Variants in FANCB observed in about 807,000 individuals in gnomAD.
FANCB encodes the protein FA complementation group B, also known as Fanconi anemia group B protein.
FANCB carries 5 observed loss-of-function variants against 38.9 expected under a neutral mutation model. That is an observed-to-expected ratio of 0.13 (90% CI 0.07 to 0.27). The LOEUF is 0.27. FANCB is among the 10% of genes least tolerant of loss of function. The pLI is 1.00. For synonymous variants in FANCB, 236 were observed against 215.4 expected (o/e 1.10, Z -0.84); for missense variants, 573 against 602.7 (o/e 0.95, Z 0.52).
chrX:14,726,046 A>C, the FANCB span, among the ~76,000 whole-genome samples: 1 of 112,432 alleles, frequency 8.9e-6, no homozygotes, highest in Non-Finnish European at 1.9e-5. Context: ...GCTAATCAGA[A>C]GAAATGGAGA....
At chrX:14,779,756 TG>T in the FANCB span, among the ~76,000 whole-genome samples, 1 of 110,833 alleles carries the variant, frequency 9.0e-6, no homozygotes, top group Non-Finnish European at 1.9e-5. Flanking sequence ...GAGGACTAGA[TG>T]ATAGTGGAAG....
chrX:14,864,106 A>G (rs1019622998), intron 3 of FANCB, among the ~76,000 whole-genome samples: 29 of 111,358 alleles, frequency 2.6e-4, no homozygotes, highest in African/African-American at 9.1e-4. Flanking sequence ...CTGCACTCCA[A>G]CCTGGATGAC....
At chrX:14,826,710 C>A in the FANCB span, among the ~76,000 whole-genome samples, 3 of 112,047 alleles carry the variant, frequency 2.7e-5, no homozygotes, top group Middle Eastern at 9.1e-3. Flanking sequence ...ACAGGAGTCA[C>A]AAATAATGTT....
intron 3 of FANCB, 127 bp from the exon 4 acceptor site, chrX:14,859,461 A>G (rs2092437329): frequency 4.2e-6 from 2 of 471,814 alleles, no homozygotes; most frequent in Non-Finnish European, 7.2e-6. Flanking sequence ...GAGTAATGAA[A>G]ATAGTAAAAA....
At chrX:14,797,709 G>C in the FANCB span, among the ~76,000 whole-genome samples, 1 of 108,185 alleles carries the variant, frequency 9.2e-6, no homozygotes, top group South Asian at 4.1e-4. Flanking sequence ...GAGAGAGAGA[G>C]AGAAAGAAAT....
chrX:14,690,616 C>A, the FANCB span: 2 of 609,556 alleles, frequency 3.3e-6, no homozygotes, highest in Non-Finnish European at 2.7e-6. Flanking sequence ...GCTGCTCACA[C>A]CATTAAGAAT....
the FANCB span, among the ~76,000 whole-genome samples, chrX:14,775,176 T>TTTTTG: frequency 1.0e-5 from 1 of 97,692 alleles, no homozygotes; most frequent in Non-Finnish European, 2.1e-5. Flanking sequence ...TTTTTTTTTT[T>TTTTTG]TTTTTTTTTT....
chrX:14,812,734 G>A, the FANCB span, among the ~76,000 whole-genome samples: 1 of 109,732 alleles, frequency 9.1e-6, no homozygotes, highest in East Asian at 2.8e-4. Flanking sequence ...TCTACCAGAG[G>A]TACAAGGAGG....
the FANCB span, among the ~76,000 whole-genome samples, chrX:14,800,200 A>G: frequency 4.5e-5 from 5 of 112,026 alleles, no homozygotes; most frequent in Admixed American, 9.5e-5. Flanking sequence ...GGAAGGATCT[A>G]TGAAGAACAC....
At chrX:14,840,540 G>C (rs181120519), downstream of FANCB, among the ~76,000 whole-genome samples, 220 of 111,802 alleles carry the variant, frequency 2.0e-3, no homozygotes, top group Middle Eastern at 4.6e-3. Flanking sequence ...GAAGTTCCCT[G>C]GACAAAACGA....
chrX:14,746,657 G>A, the FANCB span, among the ~76,000 whole-genome samples: 1 of 112,082 alleles, frequency 8.9e-6, no homozygotes, highest in Non-Finnish European at 1.9e-5. Flanking sequence ...GTGAAAATTT[G>A]TCAAAAATCA....
At chrX:14,776,515 G>A in the FANCB span, among the ~76,000 whole-genome samples, 2 of 111,941 alleles carry the variant, frequency 1.8e-5, no homozygotes, top group Admixed American at 1.9e-4. Flanking sequence ...ATTTGTAAAT[G>A]GTATTGAATA....
chrX:14,703,370 C>T, the FANCB span, among the ~76,000 whole-genome samples: 6 of 111,423 alleles, frequency 5.4e-5, no homozygotes, highest in African/African-American at 2.0e-4. Flanking sequence ...TGTTCAAAGC[C>T]ATAACATTGC....
chrX:14,788,214 G>A, the FANCB span, among the ~76,000 whole-genome samples: 1 of 109,740 alleles, frequency 9.1e-6, no homozygotes, highest in Non-Finnish European at 1.9e-5. Flanking sequence ...ATTTAATGCA[G>A]AGAATTGAAC....
At chrX:14,778,048 A>G in the FANCB span, among the ~76,000 whole-genome samples, 1 of 112,107 alleles carries the variant, frequency 8.9e-6, no homozygotes, top group Non-Finnish European at 1.9e-5. Flanking sequence ...CAATAATAAG[A>G]AAGAAAATAA....
intron 3 of FANCB, among the ~76,000 whole-genome samples, chrX:14,859,924 C>T (rs1239542444): frequency 9.0e-6 from 1 of 111,027 alleles, no homozygotes; most frequent in Non-Finnish European, 1.9e-5. Context: ...AACCTTAAAC[C>T]CTGATGTGGG....
chrX:14,703,797 G>T, the FANCB span, among the ~76,000 whole-genome samples: 12 of 111,612 alleles, frequency 1.1e-4, no homozygotes, highest in East Asian at 3.1e-3. Context: ...GGTAAGTCAA[G>T]TCTCAGTCTC....
chrX:14,865,623 T>C, intron 2 of FANCB, 43 bp from the exon 3 acceptor site: 1 of 559,284 alleles, frequency 1.8e-6, no homozygotes, highest in East Asian at 3.5e-5. Context: ...GTAGGAAGGG[T>C]TGAAAAGAAA....
chrX:14,834,117 A>G (rs1013409960), downstream of FANCB, among the ~76,000 whole-genome samples: 1 of 112,057 alleles, frequency 8.9e-6, no homozygotes, highest in South Asian at 3.7e-4. Context: ...GGGGCATAAG[A>G]TCAGAAAAAC....
Sources: gnomAD v4.1 joint callset for allele counts (sites outside exome capture counted in the v4.1 genomes callset) on GRCh38, gnomAD v4.1.1 for gene constraint, MANE v1.5 for transcripts, NCBI Gene and HGNC (gene_info 2026-07-23, HGNC 2026-07-21) for gene names.